Variants in FBXW12 observed in about 807,000 individuals in gnomAD.
FBXW12 encodes the protein F-box/WD repeat-containing protein 12.
In FBXW12, 43 loss-of-function variants were observed where a neutral mutation model predicts 55.3. The observed-to-expected ratio is 0.78, with a 90% CI of 0.61 to 1.00. FBXW12 has a LOEUF of 1.00. Among genes scored for constraint, FBXW12 ranks in the 50% least tolerant of loss-of-function variants. The pLI, the probability that FBXW12 is intolerant of heterozygous loss-of-function variation, is 0.00. For missense variants in FBXW12, 524 were observed against 560.5 expected, an observed-to-expected ratio of 0.93 and a Z score of 0.66; for synonymous variants, 184 against 203.8, an observed-to-expected ratio of 0.90 and a Z score of 0.83.
At chr3:48,394,059 G>T (rs1442353223) in intron 10 of FBXW12, among the ~76,000 whole-genome samples, 3 of 151,982 alleles carry the variant, frequency 2.0e-5, no homozygotes, top group African/African-American at 7.3e-5. Context: ...TTACAGGCGT[G>T]AGCCACCGTG....
chr3:48,372,649 G>T (rs766253016), intron 1 of FBXW12, 35 bp from the exon 2 acceptor site: 4 of 1,587,668 alleles, frequency 2.5e-6, no homozygotes, highest in Middle Eastern at 3.6e-4. Context: ...TGTTTCTACC[G>T]CACACAGATG....
intron 10 of FBXW12, among the ~76,000 whole-genome samples, chr3:48,387,546 AGTTT>A (rs57149656): frequency 0.6 from 89,557 of 149,234 alleles, 26,762 homozygotes; most frequent in South Asian, 0.68. Flanking sequence ...TATTTTTTCT[AGTTT>A]GTTTGTTTGT....
Position 48,382,086 on chromosome 3 carries a change from G to A in FBXW12, c.1295+1G>A. The A allele has an allele frequency of 1.9e-6, 3 of 1,613,584 alleles. No individual in the cohort carries two copies. The highest frequency in any genetic ancestry group is 2.2e-5 in the East Asian group (1 of 44,878). On this transcript the variant is annotated splice_donor_variant, in intron 10 of 10. Transcript: ENST00000296438. LOFTEE classifies it high-confidence loss of function. Reference sequence around the variant, plus strand: ...CGTGGCATGATCACACAACAGACAGGTAAGCTCTGTTTTGTGATGTAAACA... The same window carrying A: ...CGTGGCATGATCACACAACAGACAGATAAGCTCTGTTTTGTGATGTAAACA...
intron 6 of FBXW12, 87 bp downstream of exon 6, chr3:48,378,613 C>CTTTT (rs749717436): frequency 7.5e-5 from 44 of 587,092 alleles, no homozygotes; most frequent in East Asian, 3.6e-4. Flanking sequence ...TGTCCTATCC[C>CTTTT]TTTTTTTTTT....
At chr3:48,392,986 CTTTTTTTTTTT>C (rs782102353) in intron 10 of FBXW12, among the ~76,000 whole-genome samples, 70,204 of 125,218 alleles carry the variant, frequency 0.56, 18,460 homozygotes, top group East Asian at 0.68. Context: ...AAGGGGTACC[CTTTTTTTTTTT>C]TTTTTTTTTT....
At chr3:48,394,526 T>C in intron 10 of FBXW12, 34 bp from the exon 11 acceptor site, 1 of 1,244,674 alleles carries the variant, frequency 8.0e-7, no homozygotes, top group Non-Finnish European at 1.2e-6. Context: ...ACTTTCTCTT[T>C]TGTTCACTGA....
At chr3:48,375,585 T>G in intron 5 of FBXW12, 113 bp downstream of exon 5, 2 of 661,512 alleles carry the variant, frequency 3.0e-6, no homozygotes, top group Middle Eastern at 2.5e-4. Context: ...AAAAACAAAG[T>G]GTCAAATCAG....
rs750706490 is a variant in FBXW12 at position 48,381,808 on chromosome 3, T to G, written c.1094T>G (p.Leu365Arg). Residue 365 changes from leucine (L) to arginine (R), a missense_variant, in exon 9 of 11, where the codon CTC becomes CGC. Physicochemically the swap from Leu to Arg is moderately radical, Grantham distance 102 (BLOSUM62 -2). Coordinates refer to ENST00000296438, the MANE Select transcript of FBXW12 (RefSeq NM_207102.2). ...IVFTSGPYLL[L>R]FSITGFLLQR... ...TTTACCAGTGGACCATACTTGTTACTCTTCAGCATCACTGGCTTCCTGCTG... is the reference window on the plus strand; with the variant it reads ...TTTACCAGTGGACCATACTTGTTACGCTTCAGCATCACTGGCTTCCTGCTG... The G allele has an allele frequency of 6.2e-7, 1 of 1,611,446 alleles. No homozygotes were observed. Among genetic ancestry groups the G allele is most frequent in the Non-Finnish European group, 8.5e-7 (1 of 1,178,080 alleles).
chr3:48,379,943 T>C (rs57733052), intron 7 of FBXW12: 6,980 of 188,794 alleles, frequency 0.037, 479 homozygotes, highest in African/African-American at 0.15. Context: ...TGATAGGGTG[T>C]CCACACCAAG....
At position 48,373,676 on chromosome 3, in the gene FBXW12, A is replaced by G. The variant is rs1481604176; in HGVS notation, c.257A>G (p.Asn86Ser). 1 of 1,614,060 alleles carries G rather than the reference A, an allele frequency of 6.2e-7. No homozygotes were observed. The highest frequency in any genetic ancestry group is 8.5e-7 in the Non-Finnish European group (1 of 1,180,002). The change falls in exon 4 of 11, where the codon AAC becomes AGC. Residue 86 changes from asparagine to serine, a missense_variant. By Grantham distance (46) the Asn-to-Ser change is conservative. Transcript: ENST00000296438. ...ELRLALAQPHNFIYKVTKNIA... is the reference protein window; with the variant it reads ...ELRLALAQPHSFIYKVTKNIA... The stretch of plus-strand genomic sequence containing the variant: ...CGGTTGGCATTGGCACAGCCGCATA[A>G]CTTTATCTACAAAGTAACTAAGAAC...
intron 5 of FBXW12, among the ~76,000 whole-genome samples, chr3:48,377,689 C>T (rs2036704514): frequency 6.6e-6 from 1 of 152,198 alleles, no homozygotes; most frequent in Non-Finnish European, 1.5e-5. Context: ...ATAATGATTA[C>T]ATTTGGGTGC....
intron 10 of FBXW12, among the ~76,000 whole-genome samples, chr3:48,383,659 CAG>C (rs1273850907): frequency 6.6e-6 from 1 of 152,152 alleles, no homozygotes; most frequent in African/African-American, 2.4e-5. Flanking sequence ...CCCAAGATCA[CAG>C]AGATGTTCTA....
chr3:48,389,509 G>A (rs958972294), intron 10 of FBXW12, among the ~76,000 whole-genome samples: 3 of 152,144 alleles, frequency 2.0e-5, no homozygotes, highest in Non-Finnish European at 2.9e-5. Context: ...CTCCTAAGTA[G>A]CTGGAATTAC....
At chr3:48,374,764 C>T (rs866193763) in intron 4 of FBXW12, among the ~76,000 whole-genome samples, 4 of 82,670 alleles carry the variant, frequency 4.8e-5, no homozygotes, top group East Asian at 8.0e-4. Flanking sequence ...CCTGATAACA[C>T]TTTTTTTTTT....
At chr3:48,392,718 TC>T (rs1170776312) in intron 10 of FBXW12, among the ~76,000 whole-genome samples, 1 of 152,200 alleles carries the variant, frequency 6.6e-6, no homozygotes, top group Admixed American at 6.5e-5. Flanking sequence ...TTGTGCCTCT[TC>T]CTTCTGACTT....
intron 10 of FBXW12, among the ~76,000 whole-genome samples, chr3:48,392,315 G>A (rs188764668): frequency 1.1e-4 from 16 of 152,212 alleles, no homozygotes; most frequent in Non-Finnish European, 2.4e-4. Context: ...GCTGGGCATG[G>A]TGGCGGGCAT....
At chr3:48,377,137 G>C (rs951354170) in intron 5 of FBXW12, among the ~76,000 whole-genome samples, 3 of 152,160 alleles carry the variant, frequency 2.0e-5, no homozygotes, top group African/African-American at 7.2e-5. Flanking sequence ...TTCATGTAGG[G>C]GGAAACTGAA....
In FBXW12 at chr3:48,372,248, C is replaced by T. The variant is rs1465315980; in HGVS notation, c.-157C>T. 8 of 1,551,272 alleles carry T rather than the reference C, an allele frequency of 5.2e-6. No homozygotes were observed. The highest frequency in any genetic ancestry group is 6.1e-6 in the Non-Finnish European group (7 of 1,146,510). On this transcript the variant is annotated 5_prime_UTR_variant, in exon 1 of 11. An upstream open reading frame in the 5' UTR gains an earlier in-frame stop. Coordinates refer to ENST00000296438, the MANE Select transcript of FBXW12 (RefSeq NM_207102.2). ...TTCTCCTCCACTGCAAAGTTAAATG[C>T]GAGAAGGTAGAAACCCAGAGGCCAT... is the stretch of plus-strand genomic sequence containing the variant.
Position 48,394,563 on chromosome 3 carries a change from C to A in FBXW12, c.1299C>A (p.Cys433Ter). 6.3e-7 allele frequency: 1 copy of A among 1,583,706 alleles called. No homozygotes were observed. Among genetic ancestry groups the A allele is most frequent in the Non-Finnish European group, 8.6e-7 (1 of 1,159,414 alleles). Reference sequence around the variant, plus strand: ...GATCTTATTTTTCCATTGACAGCTGCATCTCCAGTGTGATGTGTGATAATG... The same window carrying A: ...GATCTTATTTTTCCATTGACAGCTGAATCTCCAGTGTGATGTGTGATAATG... Reference protein sequence around the residue: ...NTWHDHTTDSCISSVMCDNAS... With the variant: ...NTWHDHTTDS Residue 433 changes from cysteine to a stop codon, truncating the protein, a stop_gained, in exon 11 of 11, where the codon TGC becomes TGA. Coordinates refer to ENST00000296438, the MANE Select transcript of FBXW12 (RefSeq NM_207102.2). LOFTEE classifies it low-confidence loss of function (END_TRUNC).
Sources: gnomAD v4.1 joint callset for allele counts (sites outside exome capture counted in the v4.1 genomes callset) on GRCh38, gnomAD v4.1.1 for gene constraint, MANE v1.5 for transcripts, NCBI Gene and HGNC (gene_info 2026-07-23, HGNC 2026-07-21) for gene names.